FCHO2: variants seen among roughly 807,000 people sequenced by gnomAD.
FCHO2 encodes F-BAR domain only protein 2.
Under a neutral mutation model 114.1 loss-of-function variants are expected in FCHO2, and 43 were observed. That is an observed-to-expected ratio of 0.38 (90% CI 0.30 to 0.49). The LOEUF (loss-of-function observed/expected upper bound fraction) is 0.49. Among genes scored for constraint, FCHO2 ranks in the 20% least tolerant of loss-of-function variants. The probability of loss-of-function intolerance (pLI) is 0.97; values close to 1 mark genes in which losing one functional copy is unlikely to be tolerated. For missense variants in FCHO2, 807 were observed against 950.4 expected (o/e 0.85, Z 1.98); for synonymous variants, 293 against 315.2 (o/e 0.93, Z 0.75).
At chr5:72,980,988 G>A (rs1022692654) in intron 2 of FCHO2, among the ~76,000 whole-genome samples, 3 of 152,072 alleles carry the variant, frequency 2.0e-5, no homozygotes, top group African/African-American at 7.2e-5. Flanking sequence ...CTGTCATTAT[G>A]ATGCTAGCTG....
intron 12 of FCHO2, among the ~76,000 whole-genome samples, chr5:73,051,674 C>T (rs1011452346): frequency 2.6e-5 from 4 of 151,878 alleles, no homozygotes; most frequent in African/African-American, 7.3e-5. Context: ...TTCAGCGATT[C>T]TTCTGCCTCA....
In FCHO2 at chr5:73,052,504, A is replaced by G; in HGVS notation, c.1170A>G (p.Ile390Met). ...GGAATATAACACTCTCCCCAGCAAT[A>G]TCTGTAAGTACAAACACGTTTGTAC... ...SIGNITLSPA[I>M]SRHSPVQMNR... The change falls in exon 13 of 26, where the codon ATA (isoleucine) becomes ATG (methionine). Residue 390 changes from isoleucine (I) to methionine (M), a missense_variant. Physicochemically the swap from Ile to Met is conservative, Grantham distance 10 (BLOSUM62 1). Transcript: ENST00000430046. 6.3e-7 allele frequency: 1 copy of G among 1,583,320 alleles called. No homozygotes were observed.
intron 11 of FCHO2, among the ~76,000 whole-genome samples, chr5:73,050,553 A>G (rs1004802092): frequency 2.0e-5 from 3 of 151,970 alleles, no homozygotes; most frequent in Non-Finnish European, 2.9e-5. Context: ...TCTTGACCTC[A>G]TGATCCACCC....
At chr5:73,054,031 G>A in intron 13 of FCHO2, 129 bp from the exon 14 acceptor site, 3 of 525,792 alleles carry the variant, frequency 5.7e-6, no homozygotes, top group African/African-American at 2.0e-5. Flanking sequence ...TTTCCCACCT[G>A]ACAGTGTATG....
At chr5:72,997,813 A>G (rs1365342783) in intron 5 of FCHO2, among the ~76,000 whole-genome samples, 2 of 152,198 alleles carry the variant, frequency 1.3e-5, no homozygotes, top group South Asian at 2.1e-4. Context: ...GGATGGACGC[A>G]TGGGCCTGGG....
Position 72,972,018 on chromosome 5 carries a change from T to C in FCHO2, c.125+3429T>C, listed in dbSNP as rs1472436357. 3.7e-3 allele frequency among the ~76,000 whole-genome samples: 566 copies of C among 151,696 alleles called. 3 individuals carry two copies. Among genetic ancestry groups the C allele is most frequent in the African/African-American group, 0.013 (535 of 41,262 alleles). On this transcript the variant is annotated intron_variant, in intron 2 of 25. Coordinates refer to ENST00000430046, the MANE Select transcript of FCHO2 (RefSeq NM_138782.3). ...CAAAGATCAGATAGTTGTAGATATG[T>C]GGCATTATTTCTGAGGGCTCTGTTC...
At chr5:73,066,405 C>T (rs1029896273) in intron 18 of FCHO2, among the ~76,000 whole-genome samples, 5 of 151,862 alleles carry the variant, frequency 3.3e-5, no homozygotes, top group African/African-American at 9.7e-5. Context: ...GTCTTAATGA[C>T]TGTCCTTATG....
Position 73,041,910 on chromosome 5 carries a change from A to G in FCHO2, c.939+595A>G, listed in dbSNP as rs58172488. ...TGTTAAGTAATGTGTAGACAGACAT[A>G]TTTTTCAAAACTGTTCATTAGATAC... On this transcript the variant is annotated intron_variant, in intron 11 of 25. Coordinates refer to ENST00000430046, the MANE Select transcript of FCHO2 (RefSeq NM_138782.3). Among the ~76,000 whole-genome samples the G allele has an allele frequency of 9.9e-4, 150 of 152,170 alleles. 3 individuals are homozygous for G. In the East Asian group the frequency reaches 0.027, roughly 28 times the overall value.
chr5:73,054,923 A>G (rs941223227), intron 15 of FCHO2: 4 of 169,188 alleles, frequency 2.4e-5, no homozygotes, highest in Admixed American at 6.0e-5. Flanking sequence ...TACAAATTCT[A>G]TTATAATTTA....
intron 20 of FCHO2, 35 bp downstream of exon 20, chr5:73,074,888 T>C: frequency 6.5e-7 from 1 of 1,545,870 alleles, no homozygotes; most frequent in Non-Finnish European, 8.8e-7. Flanking sequence ...TATGTGTATG[T>C]ATGTGTGTTG....
intron 5 of FCHO2, chr5:72,996,840 CGG>C: frequency 1.0e-6 from 1 of 977,466 alleles, no homozygotes; most frequent in South Asian, 1.4e-5. Flanking sequence ...CTCCCGGCAA[CGG>C]GGGGCTGGCG....
At chr5:72,983,544 A>G (rs1431302603) in intron 2 of FCHO2, among the ~76,000 whole-genome samples, 2 of 147,374 alleles carry the variant, frequency 1.4e-5, no homozygotes, top group Non-Finnish European at 3.0e-5. Flanking sequence ...CAAAGTGACA[A>G]TACTTTTTTT....
chr5:73,066,936 T>C (rs1434307813), intron 18 of FCHO2, among the ~76,000 whole-genome samples: 4 of 151,882 alleles, frequency 2.6e-5, no homozygotes, highest in Non-Finnish European at 5.9e-5. Context: ...AAGCAACATA[T>C]AATTTAAAGT....
At chr5:73,081,659 A>G (rs1351704487) in intron 22 of FCHO2, 124 bp from the exon 23 acceptor site, 1 of 621,224 alleles carries the variant, frequency 1.6e-6, no homozygotes, top group Admixed American at 3.9e-5. Context: ...CACTCTGCCA[A>G]CAGATAGTCC....
intron 9 of FCHO2, 127 bp downstream of exon 9, chr5:73,034,828 A>C: frequency 1.5e-6 from 1 of 667,354 alleles, no homozygotes; most frequent in Non-Finnish European, 2.3e-6. Flanking sequence ...ATGCTGTAAA[A>C]ATCTGAAATT....
chr5:73,039,497 GTTATTA>G (rs548627432), intron 10 of FCHO2, among the ~76,000 whole-genome samples: 2 of 152,120 alleles, frequency 1.3e-5, no homozygotes, highest in Admixed American at 1.3e-4. Context: ...GAAGGATTGG[GTTATTA>G]TTATTATGCC....
At chr5:73,060,598 A>G (rs755853222) in intron 17 of FCHO2, among the ~76,000 whole-genome samples, 2 of 152,028 alleles carry the variant, frequency 1.3e-5, no homozygotes, top group Non-Finnish European at 2.9e-5. Flanking sequence ...CCATCTTAAC[A>G]TCCTCTACCC....
intron 18 of FCHO2, among the ~76,000 whole-genome samples, chr5:73,066,675 C>G (rs1742351980): frequency 6.6e-6 from 1 of 150,492 alleles, no homozygotes; most frequent in Non-Finnish European, 1.5e-5. Context: ...CACATCCTCC[C>G]TACCCACTGA....
chr5:73,035,136 G>T (rs1756434143), intron 9 of FCHO2, among the ~76,000 whole-genome samples: 1 of 152,062 alleles, frequency 6.6e-6, no homozygotes, highest in African/African-American at 2.4e-5. Flanking sequence ...ACCATCATTT[G>T]GCTGGGCACA....
Sources: allele counts gnomAD v4.1 joint callset (sites outside exome capture counted in the v4.1 genomes callset), GRCh38; gene constraint gnomAD v4.1.1; transcripts MANE v1.5; gene names NCBI Gene and HGNC (gene_info 2026-07-23, HGNC 2026-07-21).